The following USP54 variants were observed in gnomAD, a reference collection of about 807,000 sequenced individuals.
USP54 encodes ubiquitin specific peptidase 54.
A neutral mutation model predicts 170.5 loss-of-function variants in USP54; 87 were observed. The observed-to-expected ratio is 0.51, with a 90% CI of 0.43 to 0.61. USP54 has a LOEUF of 0.61. Among genes scored for constraint, USP54 ranks in the 20% least tolerant of loss-of-function variants. USP54 has a pLI of 0.00. For missense variants in USP54, 1,786 were observed against 2,047.8 expected, an observed-to-expected ratio of 0.87 and a Z score of 2.47; for synonymous variants, 655 against 742.8, an observed-to-expected ratio of 0.88 and a Z score of 1.92.
chr10:73,552,466 T>TACACAC (rs374761038), intron 4 of USP54, among the ~76,000 whole-genome samples: 22 of 146,614 alleles, frequency 1.5e-4, no homozygotes, highest in South Asian at 4.3e-4. Context: ...ATTAAATGAG[T>TACACAC]ACACACACAC....
chr10:73,519,523 G>A (rs1306304002), intron 19 of USP54: 13 of 429,974 alleles, frequency 3.0e-5, no homozygotes, highest in South Asian at 1.1e-4. Flanking sequence ...TATAATAATC[G>A]CGTTATTACA....
intron 1 of USP54, among the ~76,000 whole-genome samples, chr10:73,619,058 C>CA (rs2080879832): frequency 6.7e-6 from 1 of 149,788 alleles, no homozygotes; most frequent in East Asian, 1.9e-4. Context: ...ACTAAAAATA[C>CA]AAAAATTAGC....
At position 73,517,329 on chromosome 10, in the gene USP54, C is replaced by CAGGATCCTT. The variant is rs1430146900; in HGVS notation, c.3088_3096dup (p.Lys1030_Pro1032dup). 12 of 1,612,190 alleles carry CAGGATCCTT rather than the reference C, an allele frequency of 7.4e-6. 1 individual carries two copies. The Admixed American group carries it at 1.3e-4, about 18-fold the overall frequency. ...CCAGGCATCACCGGGGAGGGGTTAG[C>CAGGATCCTT]AGGATCCTTCTTTTCTTGGAACAGC... On this transcript the variant is annotated inframe_insertion, in exon 20 of 24. Transcript: ENST00000687698.
Position 73,517,282 on chromosome 10 carries a change from A to AC in USP54, c.3143dup (p.Asp1049Ter), listed in dbSNP as rs1311175148. The AC allele has an allele frequency of 6.2e-7, 1 of 1,613,346 alleles. No individual in the cohort carries two copies. Among genetic ancestry groups the AC allele is most frequent in the Non-Finnish European group, 8.5e-7 (1 of 1,179,660 alleles). On this transcript the variant is annotated frameshift_variant, in exon 20 of 24. Transcript: ENST00000687698. LOFTEE classifies it high-confidence loss of function. ...GACTACAGCCTAGGCTGTGTTCATC[A>AC]CCCCTCTCAGAGGTGGCTATTCCAG...
chr10:73,616,716 T>C (rs112075937), intron 1 of USP54, among the ~76,000 whole-genome samples: 1 of 150,278 alleles, frequency 6.7e-6, no homozygotes, highest in African/African-American at 2.5e-5. Flanking sequence ...TCTTGCCTCC[T>C]CAGGAGGCTG....
intron 12 of USP54, among the ~76,000 whole-genome samples, chr10:73,533,901 A>G (rs527907947): frequency 3.3e-5 from 5 of 152,350 alleles, no homozygotes; most frequent in South Asian, 2.1e-4. Context: ...GGCCCCTTCT[A>G]TCAAAGCTCT....
At chr10:73,580,213 G>C (rs1016164876) in intron 1 of USP54, among the ~76,000 whole-genome samples, 1 of 151,446 alleles carries the variant, frequency 6.6e-6, no homozygotes, top group Non-Finnish European at 1.5e-5. Context: ...AGCTCCTAGG[G>C]GGCATTGAGG....
Position 73,533,642 on chromosome 10 carries a change from G to T in USP54, c.1315+958C>A, listed in dbSNP as rs750980400. On this transcript the variant is annotated intron_variant, in intron 12 of 23. Transcript: ENST00000687698. The stretch of plus-strand genomic sequence containing the variant: ...CACAGTCCCTAAGAATATGGACACT[G>T]TTCTATGCCTTAGGCATTCTATCTC... Among the ~76,000 whole-genome samples, 79 of 151,796 alleles carry T rather than the reference G, an allele frequency of 5.2e-4. 1 individual carries two copies. Among genetic ancestry groups the T allele is most frequent in the Admixed American group, 2.0e-4 (3 of 15,256 alleles).
rs1726117205 is a variant in USP54 at position 73,520,959 on chromosome 10, C to A, written c.2431G>T (p.Glu811Ter). 3 of 1,614,208 alleles carry A rather than the reference C, an allele frequency of 1.9e-6. No individual in the cohort carries two copies. The highest frequency in any genetic ancestry group is 3.3e-5 in the Admixed American group (2 of 60,028). The part of the protein sequence containing the change: ...ESVFEESLHL[E>*]QKGDCAAALA... ...GCTGCAGCACAGTCTCCTTTCTGTT[C>A]CAGATGTAGTGACTCTTCAAACACT... Residue 811 changes from glutamate (E) to a stop codon, truncating the protein, a stop_gained, in exon 18 of 24, where the codon GAA becomes TAA. Transcript: ENST00000687698. LOFTEE classifies it high-confidence loss of function.
At chr10:73,532,755 G>A (rs1229708992) in intron 12 of USP54, among the ~76,000 whole-genome samples, 1 of 152,042 alleles carries the variant, frequency 6.6e-6, no homozygotes, top group Non-Finnish European at 1.5e-5. Context: ...AATAAAATCA[G>A]CAAAATTCAG....
intron 1 of USP54, among the ~76,000 whole-genome samples, chr10:73,579,686 G>A (rs2076615340): frequency 2.0e-5 from 3 of 152,024 alleles, no homozygotes; most frequent in Admixed American, 2.0e-4. Flanking sequence ...GAACCCGGGA[G>A]GTGGAGGTTG....
chr10:73,521,177 A>ATGGCCGGGCGCGGTGGCT, intron 17 of USP54, 150 bp from the exon 18 acceptor site: 1 of 1,178,232 alleles, frequency 8.5e-7, no homozygotes, highest in South Asian at 1.6e-5. Flanking sequence ...AATTATCTGA[A>ATGGCCGGGCGCGGTGGCT]AACAAGCAGG....
rs1462265076 is a variant in USP54, at chr10:73,517,139, C to T, written c.3287G>A (p.Cys1096Tyr). 1 of 1,614,048 alleles carries T rather than the reference C, an allele frequency of 6.2e-7. No individual in the cohort carries two copies. Among genetic ancestry groups the T allele is most frequent in the Non-Finnish European group, 8.5e-7 (1 of 1,180,042 alleles). ...AGTTTTGAGGCTTTGGCCTTGGAGG[C>T]ATTGGTTAGTTTTCTGCACAGGATC... ...CPDPVQKTNQCLQGQSLKTSL... is the reference protein window; with the variant it reads ...CPDPVQKTNQYLQGQSLKTSL... Residue 1096 changes from cysteine (C) to tyrosine (Y), a missense_variant, in exon 20 of 24, where the codon TGC becomes TAC. Coordinates refer to ENST00000687698, the MANE Select transcript of USP54 (RefSeq NM_001391956.1).
chr10:73,579,913 T>C (rs757345597), intron 1 of USP54, among the ~76,000 whole-genome samples: 1 of 152,190 alleles, frequency 6.6e-6, no homozygotes, highest in Non-Finnish European at 1.5e-5. Flanking sequence ...AAATTAAAAC[T>C]ACACTATACA....
At position 73,571,519 on chromosome 10, in the gene USP54, G is replaced by A. The variant is rs746455248; in HGVS notation, c.148-6C>T. ...ATATCCAAGTGCCACAAAACCTGAT[G>A]AGAAAAGGAAAATATTTCATTACTC... On this transcript the variant is annotated splice_region_variant and splice_polypyrimidine_tract_variant and intron_variant, in intron 3 of 23. Coordinates refer to ENST00000687698, the MANE Select transcript of USP54 (RefSeq NM_001391956.1). The A allele has an allele frequency of 1.6e-5, 25 of 1,610,414 alleles. No individual in the cohort carries two copies. Among genetic ancestry groups the A allele is most frequent in the Non-Finnish European group, 2.1e-5 (25 of 1,177,380 alleles).
upstream of USP54, among the ~76,000 whole-genome samples, chr10:73,591,943 T>C (rs2078291091): frequency 6.6e-6 from 1 of 152,086 alleles, no homozygotes; most frequent in South Asian, 2.1e-4. Flanking sequence ...TTAAAGAAAA[T>C]TATTATTTAA....
In USP54 at chr10:73,519,859, C is replaced by G. The variant is rs1325164613; in HGVS notation, c.2616G>C (p.Gln872His). The G allele has an allele frequency of 6.2e-7, 1 of 1,614,114 alleles. No individual in the cohort carries two copies. The highest frequency in any genetic ancestry group is 2.2e-5 in the East Asian group (1 of 44,864). ...GGCAGGCTGAGGGCTGCGACGGCTGCTGTGGTGATTGCTGCTGCTGCATGC... is the reference window on the plus strand; with the variant it reads ...GGCAGGCTGAGGGCTGCGACGGCTGGTGTGGTGATTGCTGCTGCTGCATGC... ...QDRMQQQQSP[Q>H]QPSQPSACLP... is the part of the protein sequence containing the mutation. Residue 872 changes from glutamine to histidine, a missense_variant, in exon 19 of 24, where the codon CAG (glutamine) becomes CAC (histidine). By Grantham distance (24) the Gln-to-His change is conservative (BLOSUM62 0). Coordinates refer to ENST00000687698, the MANE Select transcript of USP54 (RefSeq NM_001391956.1).
chr10:73,504,787 C>T, intron 22 of USP54, 63 bp downstream of exon 22: 11 of 1,607,742 alleles, frequency 6.8e-6, no homozygotes, highest in Non-Finnish European at 8.5e-6. Flanking sequence ...TCTTCACCTG[C>T]ACTGTATTTT....
At chr10:73,574,334 A>G (rs1000106526) in intron 3 of USP54, among the ~76,000 whole-genome samples, 3 of 152,192 alleles carry the variant, frequency 2.0e-5, no homozygotes, top group Non-Finnish European at 2.9e-5. Context: ...AAGAGAGGAG[A>G]TAAGTTGGAC....
Sources: gnomAD v4.1 joint callset for allele counts (sites outside exome capture counted in the v4.1 genomes callset) on GRCh38, gnomAD v4.1.1 for gene constraint, MANE v1.5 for transcripts, NCBI Gene and HGNC (gene_info 2026-07-23, HGNC 2026-07-21) for gene names.